The following SPON1 variants were observed in gnomAD, a reference collection of about 807,000 sequenced individuals.
SPON1 encodes the protein spondin-1.
Under a neutral mutation model 111.7 loss-of-function variants are expected in SPON1, and 52 were observed. The ratio of observed to expected loss-of-function variants is 0.47; its 90% CI spans 0.37 to 0.59. SPON1 has a LOEUF of 0.59. Among genes scored for constraint, SPON1 ranks in the 20% least tolerant of loss-of-function variants. SPON1 has a pLI of 0.00. For missense variants in SPON1, 957 were observed against 1,068.5 expected, an observed-to-expected ratio of 0.90 and a Z score of 1.46; for synonymous variants, 410 against 395.8, an observed-to-expected ratio of 1.04 and a Z score of -0.43.
intron 7 of SPON1, among the ~76,000 whole-genome samples, chr11:14,243,907 C>G (rs1409391633): frequency 6.6e-6 from 1 of 152,204 alleles, no homozygotes; most frequent in Admixed American, 6.5e-5. Context: ...TGGATGGATA[C>G]AGTGGTATAT....
intron 6 of SPON1, among the ~76,000 whole-genome samples, chr11:14,201,108 G>A (rs984552273): frequency 2.7e-4 from 41 of 151,926 alleles, no homozygotes; most frequent in Non-Finnish European, 5.1e-4. Context: ...TGGGAGGCCA[G>A]GGCGGGTAGA....
intron 2 of SPON1, among the ~76,000 whole-genome samples, chr11:13,983,175 C>T (rs1470521042): frequency 2.6e-5 from 4 of 152,382 alleles, no homozygotes; most frequent in East Asian, 3.9e-4. Context: ...CAGCAGATCA[C>T]GGGGCTCTTC....
chr11:13,986,763 T>C (rs558040683), intron 2 of SPON1, among the ~76,000 whole-genome samples: 1 of 152,212 alleles, frequency 6.6e-6, no homozygotes, highest in Admixed American at 6.5e-5. Flanking sequence ...CCTCCCTATG[T>C]CCACGTGTTC....
At chr11:14,058,617 C>T (rs16913564) in intron 3 of SPON1, among the ~76,000 whole-genome samples, 9,770 of 152,132 alleles carry the variant, frequency 0.064, 424 homozygotes, top group South Asian at 0.17. Context: ...GAAGGTGAGG[C>T]CATGGTAAGG....
intron 5 of SPON1, among the ~76,000 whole-genome samples, chr11:14,110,144 CT>C (rs782558336): frequency 4.6e-5 from 7 of 152,180 alleles, no homozygotes; most frequent in Non-Finnish European, 1.0e-4. Context: ...CTAAAGCCTT[CT>C]AACACCTGAC....
At chr11:14,222,568 CAT>C (rs1848692535) in intron 6 of SPON1, among the ~76,000 whole-genome samples, 1 of 152,144 alleles carries the variant, frequency 6.6e-6, no homozygotes, top group African/African-American at 2.4e-5. Flanking sequence ...GGAGCACTGA[CAT>C]ATAGCCACTG....
In SPON1 at chr11:14,192,094, C is replaced by T. The variant is rs1239273771; in HGVS notation, c.826-51238C>T. ...AAAATAAAGAAAATTATGAGGCATC[C>T]TGAAAACAGAATAACATTAGCCCTG... On this transcript the variant is annotated intron_variant, in intron 6 of 15. Coordinates refer to ENST00000576479, the MANE Select transcript of SPON1 (RefSeq NM_006108.4). Among the ~76,000 whole-genome samples the T allele has an allele frequency of 2.6e-5, 4 of 152,038 alleles. No homozygotes were observed. The East Asian group carries it at 7.7e-4, about 29-fold the overall frequency.
chr11:14,232,358 C>T (rs903430383), intron 6 of SPON1, among the ~76,000 whole-genome samples: 3 of 152,140 alleles, frequency 2.0e-5, no homozygotes, highest in Non-Finnish European at 2.9e-5. Flanking sequence ...TTCTCCAGCA[C>T]GTGGAATAGG....
chr11:14,193,659 C>T (rs1475104827), intron 6 of SPON1, among the ~76,000 whole-genome samples: 2 of 152,138 alleles, frequency 1.3e-5, no homozygotes, highest in Non-Finnish European at 1.5e-5. Flanking sequence ...CCCTCTCTGG[C>T]CCTCCTCAGA....
chr11:14,051,447 G>A (rs2178241), intron 3 of SPON1, among the ~76,000 whole-genome samples: 60,039 of 151,714 alleles, frequency 0.4, 13,028 homozygotes, highest in South Asian at 0.57. Context: ...AAGGTGGGAG[G>A]ATTGCTGGAG....
At chr11:14,097,076 A>G (rs2896644) in intron 5 of SPON1, among the ~76,000 whole-genome samples, 38,958 of 152,048 alleles carry the variant, frequency 0.26, 5,955 homozygotes, top group South Asian at 0.4. Flanking sequence ...GGACCTAAAA[A>G]CACCCAAATG....
intron 6 of SPON1, among the ~76,000 whole-genome samples, chr11:14,240,307 T>C (rs1848911668): frequency 6.6e-6 from 1 of 152,218 alleles, no homozygotes; most frequent in African/African-American, 2.4e-5. Context: ...TTTAGCTTTT[T>C]AAATAAATGT....
chr11:14,029,016 C>A (rs1175119497), intron 2 of SPON1, among the ~76,000 whole-genome samples: 3 of 152,168 alleles, frequency 2.0e-5, no homozygotes, highest in Admixed American at 6.5e-5. Context: ...AAAATTACCA[C>A]TTTCCCGAAG....
chr11:14,143,511 C>T (rs949928518), intron 6 of SPON1, among the ~76,000 whole-genome samples: 4 of 150,802 alleles, frequency 2.7e-5, no homozygotes, highest in African/African-American at 9.8e-5. Flanking sequence ...TAGTGAGCCA[C>T]GATCACACCA....
chr11:14,169,374 G>A (rs1848069822), intron 6 of SPON1, among the ~76,000 whole-genome samples: 1 of 151,716 alleles, frequency 6.6e-6, no homozygotes, highest in African/African-American at 2.4e-5. Flanking sequence ...ATTTGTTTGA[G>A]TTCATTGTAG....
chr11:14,202,108 T>C (rs1463053669), intron 6 of SPON1, among the ~76,000 whole-genome samples: 11 of 152,204 alleles, frequency 7.2e-5, no homozygotes, highest in African/African-American at 2.4e-4. Flanking sequence ...ATATCCTAAA[T>C]TGAGAGCTCT....
intron 2 of SPON1, among the ~76,000 whole-genome samples, chr11:14,023,275 G>T (rs1446102987): frequency 1.3e-5 from 2 of 152,318 alleles, no homozygotes; most frequent in South Asian, 2.1e-4. Context: ...GCTTCTGTGG[G>T]AAGATTGGAT....
At chr11:14,147,818 T>G (rs764160106) in intron 6 of SPON1, among the ~76,000 whole-genome samples, 1 of 151,156 alleles carries the variant, frequency 6.6e-6, no homozygotes, top group East Asian at 1.9e-4. Context: ...ATAAAGAGCT[T>G]CTTATGGTCA....
intron 2 of SPON1, among the ~76,000 whole-genome samples, chr11:13,983,885 G>T (rs1021969988): frequency 6.6e-6 from 1 of 152,174 alleles, no homozygotes; most frequent in Non-Finnish European, 1.5e-5. Flanking sequence ...TGTGGGCTCC[G>T]TGGAGGACCC....
Sources: gnomAD v4.1 joint callset for allele counts (sites outside exome capture counted in the v4.1 genomes callset) on GRCh38, gnomAD v4.1.1 for gene constraint, MANE v1.5 for transcripts, NCBI Gene and HGNC (gene_info 2026-07-23, HGNC 2026-07-21) for gene names.